GRIA2: variants seen among roughly 807,000 people sequenced by gnomAD.
GRIA2 encodes glutamate ionotropic receptor AMPA type subunit 2.
A neutral mutation model predicts 97.3 loss-of-function variants in GRIA2; 14 were observed. The ratio of observed to expected loss-of-function variants is 0.14; its 90% CI spans 0.10 to 0.23. The LOEUF is 0.23. GRIA2 is among the 10% of genes least tolerant of loss of function. GRIA2 has a pLI of 1.00. For missense variants in GRIA2, 558 were observed against 1,069.8 expected, an observed-to-expected ratio of 0.52 and a Z score of 6.67; for synonymous variants, 412 against 387.8, an observed-to-expected ratio of 1.06 and a Z score of -0.73.
At chr4:157,234,470 C>A (rs1730156268) in intron 2 of GRIA2, among the ~76,000 whole-genome samples, 1 of 152,108 alleles carries the variant, frequency 6.6e-6, no homozygotes, top group Non-Finnish European at 1.5e-5. Context: ...CAAACCCTCC[C>A]CCCACCAAAT....
At chr4:157,303,914 G>A (rs988529926) in intron 3 of GRIA2, 123 bp downstream of exon 3, 22 of 979,284 alleles carry the variant, frequency 2.2e-5, no homozygotes, top group Non-Finnish European at 3.3e-5. Context: ...GTTTAATTTT[G>A]CTGTGATAAT....
chr4:157,342,711 T>G (rs1735601638), intron 12 of GRIA2, among the ~76,000 whole-genome samples: 1 of 152,094 alleles, frequency 6.6e-6, no homozygotes, highest in Non-Finnish European at 1.5e-5. Flanking sequence ...TTATCTTATT[T>G]GGAAAAATGA....
chr4:157,250,144 C>A (rs1730958596), intron 2 of GRIA2, among the ~76,000 whole-genome samples: 1 of 151,970 alleles, frequency 6.6e-6, no homozygotes, highest in South Asian at 2.1e-4. Flanking sequence ...ATATTTACAG[C>A]CCCCAGCTTT....
At chr4:157,297,931 T>G (rs1733424822) in intron 2 of GRIA2, among the ~76,000 whole-genome samples, 1 of 152,202 alleles carries the variant, frequency 6.6e-6, no homozygotes, top group South Asian at 2.1e-4. Context: ...TATATATTTT[T>G]ATCAGTAAAT....
chr4:157,226,258 ATTG>A lies in GRIA2; in HGVS notation c.229+4457_229+4459del, dbSNP rs1729740741. 2.6e-5 allele frequency among the ~76,000 whole-genome samples: 4 copies of A among 152,082 alleles called. No homozygotes were observed. In the South Asian group the frequency reaches 8.3e-4, roughly 31 times the overall value. On this transcript the variant is annotated intron_variant, in intron 2 of 15. Transcript: ENST00000264426. The stretch of plus-strand genomic sequence containing the variant: ...AGCAGATGGAGATGTTGGAGAAAAT[ATTG>A]TTGTTTCATAAAACTGTTGCGCACA...
At chr4:157,301,258 G>T (rs151084137) in intron 2 of GRIA2, among the ~76,000 whole-genome samples, 173 of 152,224 alleles carry the variant, frequency 1.1e-3, no homozygotes, top group Non-Finnish European at 2.0e-3. Context: ...AGTTTTCCTA[G>T]GTGAGATGAA....
At chr4:157,307,316 A>G (rs1303773866) in intron 3 of GRIA2, among the ~76,000 whole-genome samples, 1 of 152,156 alleles carries the variant, frequency 6.6e-6, no homozygotes. Flanking sequence ...GAGACTATAT[A>G]CCACTTTTAA....
intron 2 of GRIA2, among the ~76,000 whole-genome samples, chr4:157,295,306 T>C (rs1181225886): frequency 1.3e-5 from 2 of 152,144 alleles, no homozygotes; most frequent in Non-Finnish European, 2.9e-5. Context: ...TGCATCAATC[T>C]AGTATTTCTG....
At chr4:157,255,564 A>C (rs1165752046) in intron 2 of GRIA2, among the ~76,000 whole-genome samples, 2 of 151,962 alleles carry the variant, frequency 1.3e-5, no homozygotes, top group Non-Finnish European at 2.9e-5. Flanking sequence ...CCTCACCAAC[A>C]TCTGTTGTTT....
chr4:157,310,684 AT>A (rs1251008801), intron 3 of GRIA2, among the ~76,000 whole-genome samples: 10 of 152,090 alleles, frequency 6.6e-5, no homozygotes, highest in African/African-American at 2.4e-4. Context: ...CATAAATATT[AT>A]TCTTTTTTCC....
At chr4:157,295,577 A>G (rs1733309773) in intron 2 of GRIA2, among the ~76,000 whole-genome samples, 1 of 152,042 alleles carries the variant, frequency 6.6e-6, no homozygotes, top group Admixed American at 6.6e-5. Flanking sequence ...AAGAAATGAG[A>G]GTTTTTTGAG....
At position 157,364,446 on chromosome 4, in the gene GRIA2, G is replaced by A. The variant is rs865799237; in HGVS notation, c.*1015G>A. The stretch of plus-strand genomic sequence containing the variant: ...TAATCTTGCCCCCAAAGTAATATCT[G>A]AATATCTTTTTGACATGTCTAAATA... On this transcript the variant is annotated 3_prime_UTR_variant, in exon 16 of 16. Transcript: ENST00000264426. 9 of 151,364 alleles carry A rather than the reference G, an allele frequency of 5.9e-5. No individual in the cohort carries two copies. The highest frequency in any genetic ancestry group is 3.3e-4 in the Admixed American group (5 of 15,120). The allele number at this position is 151,364 out of a possible 1,614,324, so 9.4% of individuals were successfully genotyped here.
At chr4:157,311,580 A>G (rs1734081152) in intron 3 of GRIA2, among the ~76,000 whole-genome samples, 1 of 152,032 alleles carries the variant, frequency 6.6e-6, no homozygotes, top group South Asian at 2.1e-4. Flanking sequence ...TTTAAATAAA[A>G]TTTGGTATCT....
chr4:157,264,798 C>T (rs930109323), intron 2 of GRIA2, among the ~76,000 whole-genome samples: 1 of 152,090 alleles, frequency 6.6e-6, no homozygotes, highest in Non-Finnish European at 1.5e-5. Flanking sequence ...TTCTCTGCCT[C>T]ACAGTTAATC....
intron 2 of GRIA2, among the ~76,000 whole-genome samples, chr4:157,288,585 C>A (rs1050135643): frequency 1.3e-5 from 2 of 151,676 alleles, no homozygotes; most frequent in Non-Finnish European, 2.9e-5. Flanking sequence ...ACACATATTT[C>A]CTTTATGAGT....
rs768344770 is a variant in GRIA2 at position 157,303,730 on chromosome 4, C to G, written c.408C>G (p.Leu136=). ...IQMRPDLKGA[L]LSLIEYYQWD... ...TGAGACCCGACCTCAAAGGAGCTCT[C>G]CTTAGCTTGATTGAATACTATCAAT... The change falls in exon 3 of 16, where the codon CTC becomes CTG. Residue 136 remains leucine, a synonymous_variant. Transcript: ENST00000264426. 3 of 1,613,746 alleles carry G rather than the reference C, an allele frequency of 1.9e-6. No homozygotes were observed. Among genetic ancestry groups the G allele is most frequent in the Non-Finnish European group, 2.5e-6 (3 of 1,179,786 alleles).
intron 2 of GRIA2, among the ~76,000 whole-genome samples, chr4:157,230,347 T>C (rs1157077395): frequency 4.6e-5 from 7 of 152,096 alleles, no homozygotes; most frequent in African/African-American, 1.7e-4. Flanking sequence ...TAAGGGAAAA[T>C]ATTTTTTTCC....
At chr4:157,252,303 G>A (rs952205968) in intron 2 of GRIA2, among the ~76,000 whole-genome samples, 1 of 152,116 alleles carries the variant, frequency 6.6e-6, no homozygotes, top group Non-Finnish European at 1.5e-5. Context: ...CCACTCTTCT[G>A]TCATAGGCCA....
chr4:157,335,947 C>A (rs561038038), intron 10 of GRIA2, 70 bp downstream of exon 10: 1 of 962,026 alleles, frequency 1.0e-6, no homozygotes, highest in Admixed American at 2.0e-5. Context: ...CTTCCTCTCC[C>A]TGTGAAGTAT....
Sources: allele counts gnomAD v4.1 joint callset (sites outside exome capture counted in the v4.1 genomes callset), GRCh38; gene constraint gnomAD v4.1.1; transcripts MANE v1.5; gene names NCBI Gene and HGNC (gene_info 2026-07-23, HGNC 2026-07-21).